PDCD1LG2: variants seen among roughly 807,000 people sequenced by gnomAD.
The protein encoded by PDCD1LG2 is programmed cell death 1 ligand 2.
Under a neutral mutation model 28.2 loss-of-function variants are expected in PDCD1LG2, and 32 were observed. The ratio of observed to expected loss-of-function variants is 1.13; its 90% CI spans 0.86 to 1.52. The LOEUF (loss-of-function observed/expected upper bound fraction) is 1.52, where lower values mean the gene tolerates loss of function less well. PDCD1LG2 is among the 40% of genes most tolerant of loss of function. PDCD1LG2 has a pLI of 0.00. For missense variants in PDCD1LG2, 385 were observed against 323.8 expected, an observed-to-expected ratio of 1.19 and a Z score of -1.45; for synonymous variants, 116 against 120.2, an observed-to-expected ratio of 0.97 and a Z score of 0.23.
intron 5 of PDCD1LG2, among the ~76,000 whole-genome samples, chr9:5,558,069 C>T (rs914365156): frequency 1.3e-5 from 2 of 152,184 alleles, no homozygotes; most frequent in African/African-American, 4.8e-5. Flanking sequence ...CAGAGAGCTA[C>T]GTGCTCCGAT....
chr9:5,556,198 C>T (rs1028366510), intron 4 of PDCD1LG2, among the ~76,000 whole-genome samples: 30 of 152,134 alleles, frequency 2.0e-4, no homozygotes, highest in African/African-American at 7.2e-4. Flanking sequence ...TATGAGGGAA[C>T]CTGCACAGGA....
intron 2 of PDCD1LG2, among the ~76,000 whole-genome samples, chr9:5,530,684 T>C (rs1820465654): frequency 6.6e-6 from 1 of 152,204 alleles, no homozygotes; most frequent in African/African-American, 2.4e-5. Flanking sequence ...AAAATGTGGA[T>C]AGCAACATCT....
At chr9:5,513,993 C>G (rs968161826) in intron 1 of PDCD1LG2, among the ~76,000 whole-genome samples, 1 of 152,212 alleles carries the variant, frequency 6.6e-6, no homozygotes, top group Non-Finnish European at 1.5e-5. Context: ...ATGCATTTAT[C>G]TAGGTCTTCA....
chr9:5,533,709 C>T (rs1487736629), intron 2 of PDCD1LG2, among the ~76,000 whole-genome samples: 2 of 152,014 alleles, frequency 1.3e-5, no homozygotes, highest in African/African-American at 4.8e-5. Flanking sequence ...GTGTCCCTCA[C>T]ATTTTGGTAA....
intron 4 of PDCD1LG2, among the ~76,000 whole-genome samples, chr9:5,551,427 A>G (rs1000178001): frequency 2.0e-5 from 3 of 152,200 alleles, no homozygotes; most frequent in African/African-American, 4.8e-5. Flanking sequence ...AGAGGGTAAT[A>G]TAAGAGTATA....
intron 1 of PDCD1LG2, among the ~76,000 whole-genome samples, chr9:5,521,227 T>C (rs1271969453): frequency 6.6e-6 from 1 of 151,734 alleles, no homozygotes; most frequent in African/African-American, 2.4e-5. Context: ...GAAGGGGAAA[T>C]AGGAAGTTTC....
intron 4 of PDCD1LG2, among the ~76,000 whole-genome samples, chr9:5,550,972 C>T (rs182824416): frequency 3.1e-4 from 47 of 152,276 alleles, no homozygotes; most frequent in South Asian, 2.1e-4. Context: ...GGATTACAGG[C>T]GTGAGCCATC....
intron 1 of PDCD1LG2, among the ~76,000 whole-genome samples, chr9:5,515,542 C>T (rs902379896): frequency 1.3e-5 from 2 of 152,118 alleles, no homozygotes; most frequent in Non-Finnish European, 2.9e-5. Context: ...TAGCACTTTT[C>T]CATAGGCAGG....
In PDCD1LG2 at chr9:5,514,683, A is replaced by G. The variant is rs562297932; in HGVS notation, c.-15+3880A>G. Among the ~76,000 whole-genome samples, 4 of 149,058 alleles carry G rather than the reference A, an allele frequency of 2.7e-5. No individual in the cohort carries two copies. In the South Asian group the frequency reaches 8.9e-4, roughly 33 times the overall value. The stretch of plus-strand genomic sequence containing the variant: ...TTGAAGCCAGAGTTTGCTTGAGGCC[A>G]GGAATTCGAGGCTGCAGTGCTCTAT... On this transcript the variant is annotated intron_variant, in intron 1 of 6. Coordinates refer to ENST00000397747, the MANE Select transcript of PDCD1LG2 (RefSeq NM_025239.4).
chr9:5,512,269 G>C (rs776816755), intron 1 of PDCD1LG2, among the ~76,000 whole-genome samples: 1 of 152,160 alleles, frequency 6.6e-6, no homozygotes, highest in Non-Finnish European at 1.5e-5. Flanking sequence ...CTCCACTGTA[G>C]CTGGGCTCGA....
At chr9:5,546,928 G>A (rs1586811360) in intron 3 of PDCD1LG2, among the ~76,000 whole-genome samples, 3 of 152,298 alleles carry the variant, frequency 2.0e-5, no homozygotes, top group African/African-American at 7.2e-5. Flanking sequence ...TCTGGTGGAT[G>A]TTTCATTGTG....
chr9:5,556,926 T>C (rs1210689222), intron 4 of PDCD1LG2, among the ~76,000 whole-genome samples: 2 of 152,204 alleles, frequency 1.3e-5, no homozygotes, highest in Non-Finnish European at 2.9e-5. Context: ...TGATCCACCC[T>C]CTACTAAACT....
At chr9:5,553,062 G>A (rs1272601869) in intron 4 of PDCD1LG2, among the ~76,000 whole-genome samples, 1 of 151,996 alleles carries the variant, frequency 6.6e-6, no homozygotes, top group African/African-American at 2.4e-5. Context: ...AGCTACAATT[G>A]TGCCATTGTA....
intron 3 of PDCD1LG2, 121 bp from the exon 4 acceptor site, chr9:5,549,214 G>A: frequency 1.1e-6 from 1 of 949,270 alleles, no homozygotes; most frequent in African/African-American, 1.6e-5. Context: ...GTTTACAAAT[G>A]ATAACCATTA....
chr9:5,520,264 C>T (rs538657499), intron 1 of PDCD1LG2, among the ~76,000 whole-genome samples: 75 of 152,116 alleles, frequency 4.9e-4, no homozygotes, highest in Non-Finnish European at 9.3e-4. Flanking sequence ...AAAACAGAAT[C>T]GAGAGTCCAG....
chr9:5,514,708 T>A (rs1251551521), intron 1 of PDCD1LG2, among the ~76,000 whole-genome samples: 1 of 143,516 alleles, frequency 7.0e-6, no homozygotes, highest in Admixed American at 7.4e-5. Flanking sequence ...CAGTGCTCTA[T>A]GATCACACCT....
chr9:5,546,493 G>A (rs1816208554), intron 3 of PDCD1LG2, among the ~76,000 whole-genome samples: 1 of 152,236 alleles, frequency 6.6e-6, no homozygotes, highest in African/African-American at 2.4e-5. Context: ...GTTTGATTAT[G>A]AAAGATAGGC....
chr9:5,525,596 C>T (rs1013630726), intron 2 of PDCD1LG2, among the ~76,000 whole-genome samples: 1 of 151,610 alleles, frequency 6.6e-6, no homozygotes, highest in Non-Finnish European at 1.5e-5. Context: ...AGATAAATTA[C>T]AAAAACATGT....
At chr9:5,519,839 C>T (rs1040715047) in intron 1 of PDCD1LG2, among the ~76,000 whole-genome samples, 3 of 152,178 alleles carry the variant, frequency 2.0e-5, no homozygotes, top group African/African-American at 4.8e-5. Context: ...TGACTCAAGC[C>T]CCAAACTTAG....
Sources: gnomAD v4.1 joint callset for allele counts (sites outside exome capture counted in the v4.1 genomes callset) on GRCh38, gnomAD v4.1.1 for gene constraint, MANE v1.5 for transcripts, NCBI Gene and HGNC (gene_info 2026-07-23, HGNC 2026-07-21) for gene names.